Variants in EPHA6 observed in about 807,000 individuals in gnomAD.
The protein encoded by EPHA6 is EPH receptor A6.
Under a neutral mutation model 112.0 loss-of-function variants are expected in EPHA6, and 50 were observed. The observed-to-expected ratio is 0.45, with a 90% CI of 0.36 to 0.56. EPHA6 has a LOEUF of 0.56. EPHA6 is among the 20% of genes least tolerant of loss of function. The pLI is 0.00. For synonymous variants in EPHA6, 529 were observed against 490.7 expected, an observed-to-expected ratio of 1.08 and a Z score of -1.03; for missense variants, 1,280 against 1,417.4, an observed-to-expected ratio of 0.90 and a Z score of 1.56.
At chr3:97,578,640 G>A (rs2093409628) in intron 11 of EPHA6, among the ~76,000 whole-genome samples, 1 of 152,204 alleles carries the variant, frequency 6.6e-6, no homozygotes. Context: ...AGTATGAACT[G>A]AGGTTGTTCC....
chr3:97,062,941 GA>G lies in EPHA6; in HGVS notation c.1114+74958del, dbSNP rs985001437. On this transcript the variant is annotated intron_variant, in intron 3 of 17. Coordinates refer to ENST00000389672, the MANE Select transcript of EPHA6 (RefSeq NM_001080448.3). ...ATATACATGTGGCCAACAATTATATGAAAAAAAAAAGCCTAACATCACTGAT... is the reference window on the plus strand; with the variant it reads ...ATATACATGTGGCCAACAATTATATGAAAAAAAAAGCCTAACATCACTGAT... Among the ~76,000 whole-genome samples, 88 of 145,978 alleles carry G rather than the reference GA, an allele frequency of 6.0e-4. 1 individual carries two copies. The highest frequency in any genetic ancestry group is 1.2e-3 in the African/African-American group (49 of 39,736).
intron 3 of EPHA6, among the ~76,000 whole-genome samples, chr3:97,105,596 G>A (rs2047543017): frequency 2.0e-5 from 3 of 152,114 alleles, no homozygotes; most frequent in African/African-American, 7.2e-5. Flanking sequence ...TAGAGTATGT[G>A]CCATGTGACA....
chr3:97,516,789 A>T (rs1204263350), intron 10 of EPHA6, among the ~76,000 whole-genome samples: 1 of 152,184 alleles, frequency 6.6e-6, no homozygotes, highest in African/African-American at 2.4e-5. Flanking sequence ...GAAACTGAAG[A>T]CAGGAATGCA....
chr3:97,585,006 A>G (rs2093475104), intron 11 of EPHA6, among the ~76,000 whole-genome samples: 1 of 152,210 alleles, frequency 6.6e-6, no homozygotes, highest in Non-Finnish European at 1.5e-5. Context: ...ATTACTAAAC[A>G]TGATGGACGT....
chr3:97,710,083 ATATTTTGG>A (rs1381840987), intron 14 of EPHA6, among the ~76,000 whole-genome samples: 1 of 152,234 alleles, frequency 6.6e-6, no homozygotes, highest in Non-Finnish European at 1.5e-5. Flanking sequence ...TGTATTAAAC[ATATTTTGG>A]TATTTCCAGC....
intron 3 of EPHA6, among the ~76,000 whole-genome samples, chr3:97,187,720 A>AGAAAGAAAGAG (rs2077186679): frequency 1.3e-5 from 2 of 150,602 alleles, no homozygotes; most frequent in African/African-American, 4.9e-5. Flanking sequence ...AAAGAAAGAA[A>AGAAAGAAAGAG]GAAAGAAAGA....
chr3:97,610,959 T>G, intron 13 of EPHA6, 105 bp downstream of exon 13: 1 of 935,198 alleles, frequency 1.1e-6, no homozygotes, highest in Non-Finnish European at 1.6e-6. Context: ...ATGGATTTTC[T>G]GTGAAGAATA....
At chr3:97,427,126 C>T (rs185734076) in intron 6 of EPHA6, among the ~76,000 whole-genome samples, 258 of 152,264 alleles carry the variant, frequency 1.7e-3, no homozygotes, top group African/African-American at 6.0e-3. Flanking sequence ...CTGTGGAAAG[C>T]ACTGTGGCGA....
chr3:97,649,310 A>G (rs530102517), intron 14 of EPHA6, among the ~76,000 whole-genome samples: 6 of 152,072 alleles, frequency 3.9e-5, no homozygotes, highest in East Asian at 3.9e-4. Context: ...TACCACGACA[A>G]CAGTATGGGG....
chr3:97,264,135 T>C (rs1324281244), intron 5 of EPHA6, among the ~76,000 whole-genome samples: 1 of 152,248 alleles, frequency 6.6e-6, no homozygotes, highest in Non-Finnish European at 1.5e-5. Flanking sequence ...TCACTTTCCT[T>C]GCTGGAAACC....
At chr3:96,930,384 G>T (rs899229245) in intron 2 of EPHA6, among the ~76,000 whole-genome samples, 3 of 152,120 alleles carry the variant, frequency 2.0e-5, no homozygotes, top group Non-Finnish European at 1.5e-5. Flanking sequence ...TGGGGTTTTT[G>T]TGGGGTCTTT....
intron 3 of EPHA6, among the ~76,000 whole-genome samples, chr3:97,012,278 T>C (rs2044113708): frequency 6.6e-6 from 1 of 151,860 alleles, no homozygotes; most frequent in South Asian, 2.1e-4. Context: ...CCAAACAGTA[T>C]ATAAGTTTTC....
At chr3:97,348,609 G>A (rs1037170392) in intron 5 of EPHA6, among the ~76,000 whole-genome samples, 3 of 151,926 alleles carry the variant, frequency 2.0e-5, no homozygotes, top group African/African-American at 7.2e-5. Context: ...GCATAACTAG[G>A]CTAGGTGAGC....
At chr3:97,733,758 C>G (rs1226685481) in intron 15 of EPHA6, among the ~76,000 whole-genome samples, 1 of 151,996 alleles carries the variant, frequency 6.6e-6, no homozygotes, top group East Asian at 1.9e-4. Context: ...ATTGTGCAAA[C>G]TATGAAATAA....
intron 6 of EPHA6, chr3:97,441,457 G>C: frequency 1.0e-6 from 1 of 978,296 alleles, no homozygotes; most frequent in Non-Finnish European, 1.2e-6. Flanking sequence ...TCCTCAACTA[G>C]ACATCTGCCA....
chr3:97,097,228 A>G (rs867377255), intron 3 of EPHA6, among the ~76,000 whole-genome samples: 6 of 151,810 alleles, frequency 4.0e-5, no homozygotes, highest in South Asian at 2.1e-4. Flanking sequence ...AAATAAAAAT[A>G]TGTAAATGGA....
chr3:97,434,305 G>A (rs989465279), intron 6 of EPHA6, among the ~76,000 whole-genome samples: 1 of 152,022 alleles, frequency 6.6e-6, no homozygotes, highest in Non-Finnish European at 1.5e-5. Flanking sequence ...TCATATAGTA[G>A]CTTTGAGAAT....
intron 3 of EPHA6, among the ~76,000 whole-genome samples, chr3:97,192,027 A>C (rs1419864330): frequency 6.6e-6 from 1 of 152,108 alleles, no homozygotes; most frequent in African/African-American, 2.4e-5. Context: ...AGTTATTTTA[A>C]CTGGGGTGAG....
At chr3:97,227,511 G>A (rs981858479) in intron 4 of EPHA6, among the ~76,000 whole-genome samples, 2 of 152,122 alleles carry the variant, frequency 1.3e-5, no homozygotes, top group South Asian at 2.1e-4. Flanking sequence ...ATGAGCCACC[G>A]CCCCTGGCCG....
Sources: gnomAD v4.1 joint callset for allele counts (sites outside exome capture counted in the v4.1 genomes callset) on GRCh38, gnomAD v4.1.1 for gene constraint, MANE v1.5 for transcripts, NCBI Gene and HGNC (gene_info 2026-07-23, HGNC 2026-07-21) for gene names.